GRID1: variants seen among roughly 807,000 people sequenced by gnomAD.
GRID1 encodes glutamate receptor ionotropic, delta-1.
In GRID1, 28 loss-of-function variants were observed where a neutral mutation model predicts 98.0. That is an observed-to-expected ratio of 0.29 (90% confidence interval 0.21 to 0.39). The LOEUF (loss-of-function observed/expected upper bound fraction) is 0.39, where lower values mean the gene tolerates loss of function less well. Among genes scored for constraint, GRID1 ranks in the 10% least tolerant of loss-of-function variants. The pLI is 1.00. For synonymous variants in GRID1, 553 were observed against 538.5 expected (o/e 1.03, Z -0.37); for missense variants, 1,111 against 1,340.5 (o/e 0.83, Z 2.67).
chr10:86,022,644 G>A (rs980103787), intron 4 of GRID1, among the ~76,000 whole-genome samples: 1 of 152,062 alleles, frequency 6.6e-6, no homozygotes, highest in Non-Finnish European at 1.5e-5. Context: ...TTGGCCAGGT[G>A]CAGTGGCTCA....
At chr10:85,844,517 A>G (rs1010691056) in intron 8 of GRID1, among the ~76,000 whole-genome samples, 1 of 151,878 alleles carries the variant, frequency 6.6e-6, no homozygotes, top group African/African-American at 2.4e-5. Context: ...GCTTGTATCA[A>G]TGTCAGTATC....
chr10:85,999,145 G>A lies in GRID1; in HGVS notation c.727-82906C>T, dbSNP rs573828137. Among the ~76,000 whole-genome samples the A allele has an allele frequency of 5.9e-3, 886 of 151,032 alleles. 6 individuals are homozygous for A. Among genetic ancestry groups the A allele is most frequent in the Non-Finnish European group, 7.3e-3 (496 of 67,922 alleles). On this transcript the variant is annotated intron_variant, in intron 4 of 15. Transcript: ENST00000327946. Reference sequence around the variant, plus strand: ...GAGAATCAGTTGAACTTGGGAGGCAGAGGTTGCAGTGAGCCAAGATTGTGC... The same window carrying A: ...GAGAATCAGTTGAACTTGGGAGGCAAAGGTTGCAGTGAGCCAAGATTGTGC...
chr10:85,665,813 GT>G (rs910263919), intron 12 of GRID1, among the ~76,000 whole-genome samples: 11 of 152,142 alleles, frequency 7.2e-5, no homozygotes, highest in African/African-American at 2.7e-4. Context: ...ATTAATTAAA[GT>G]GACACCAAGG....
At chr10:86,207,315 A>C (rs1266803769) in intron 2 of GRID1, among the ~76,000 whole-genome samples, 2 of 152,230 alleles carry the variant, frequency 1.3e-5, no homozygotes, top group Admixed American at 6.5e-5. Context: ...GGATTATTCA[A>C]AAGCCACTTG....
intron 4 of GRID1, among the ~76,000 whole-genome samples, chr10:85,928,202 T>C (rs979713095): frequency 6.6e-6 from 1 of 152,200 alleles, no homozygotes; most frequent in Non-Finnish European, 1.5e-5. Context: ...GGCTCACACC[T>C]GTGATCCAGC....
chr10:86,216,396 C>T (rs766662454), intron 2 of GRID1, among the ~76,000 whole-genome samples: 4 of 152,130 alleles, frequency 2.6e-5, no homozygotes, highest in East Asian at 1.9e-4. Context: ...TCAAGGTAAA[C>T]GAGTAAGTCA....
intron 4 of GRID1, among the ~76,000 whole-genome samples, chr10:85,988,530 C>G (rs768378875): frequency 6.6e-6 from 1 of 152,170 alleles, no homozygotes; most frequent in Admixed American, 6.5e-5. Context: ...CCTTCCTAGA[C>G]CCCTGGGCCT....
chr10:85,928,223 A>G (rs1271148361), intron 4 of GRID1, among the ~76,000 whole-genome samples: 1 of 152,136 alleles, frequency 6.6e-6, no homozygotes, highest in Non-Finnish European at 1.5e-5. Flanking sequence ...TGCTCTGGAG[A>G]AAGAGGCGGA....
chr10:85,701,138 G>T (rs1195257906), intron 12 of GRID1, among the ~76,000 whole-genome samples: 1 of 152,088 alleles, frequency 6.6e-6, no homozygotes, highest in African/African-American at 2.4e-5. Context: ...TTCTAGGGGA[G>T]AAGGAAAAAA....
chr10:85,772,365 A>C (rs2132713183), intron 8 of GRID1, among the ~76,000 whole-genome samples: 1 of 151,820 alleles, frequency 6.6e-6, no homozygotes, highest in African/African-American at 2.4e-5. Flanking sequence ...CCACAAGAGA[A>C]AGCAGGAAAG....
intron 1 of GRID1, among the ~76,000 whole-genome samples, chr10:86,364,664 G>C (rs917257069): frequency 2.0e-5 from 3 of 152,372 alleles, no homozygotes; most frequent in Admixed American, 6.5e-5. Context: ...CCTGCAGCTT[G>C]GATGACTGTG....
chr10:85,805,488 C>T (rs1201020307), intron 8 of GRID1, among the ~76,000 whole-genome samples: 1 of 151,714 alleles, frequency 6.6e-6, no homozygotes, highest in African/African-American at 2.4e-5. Context: ...GACAATTTGA[C>T]TCTAAGAAAT....
chr10:86,262,464 C>T (rs1009693593), intron 2 of GRID1, among the ~76,000 whole-genome samples: 12 of 152,178 alleles, frequency 7.9e-5, no homozygotes, highest in African/African-American at 2.7e-4. Context: ...TAGGCCCAGC[C>T]GGACAGCAGC....
At chr10:86,175,350 A>T (rs74656911) in intron 3 of GRID1, among the ~76,000 whole-genome samples, 3,033 of 152,048 alleles carry the variant, frequency 0.02, 108 homozygotes, top group African/African-American at 0.069. Flanking sequence ...CAAAAAAAAA[A>T]AAAAAGACTC....
chr10:85,837,771 C>T (rs1842923601), intron 8 of GRID1, among the ~76,000 whole-genome samples: 1 of 152,144 alleles, frequency 6.6e-6, no homozygotes, highest in Admixed American at 6.5e-5. Context: ...CAAATGACCG[C>T]ATCATCTCTC....
At chr10:85,987,577 A>C (rs1050452869) in intron 4 of GRID1, among the ~76,000 whole-genome samples, 1 of 116,646 alleles carries the variant, frequency 8.6e-6, no homozygotes, top group Non-Finnish European at 1.8e-5. Flanking sequence ...CCCCAGCCTC[A>C]CCTCCCCTAC....
At chr10:85,672,364 G>A (rs1253744525) in intron 12 of GRID1, among the ~76,000 whole-genome samples, 1 of 152,210 alleles carries the variant, frequency 6.6e-6, no homozygotes, top group Non-Finnish European at 1.5e-5. Flanking sequence ...CCGGAGTGCA[G>A]TGGTGCAATC....
At chr10:86,093,236 C>T (rs1338151882) in intron 4 of GRID1, among the ~76,000 whole-genome samples, 2 of 152,020 alleles carry the variant, frequency 1.3e-5, no homozygotes, top group South Asian at 2.1e-4. Context: ...AAAGGCGGTG[C>T]TAAGAGGAAA....
intron 2 of GRID1, among the ~76,000 whole-genome samples, chr10:86,283,248 G>C (rs1371867558): frequency 1.3e-5 from 2 of 152,164 alleles, no homozygotes; most frequent in Non-Finnish European, 2.9e-5. Context: ...CTCTCCTCTG[G>C]AAAAGCCCAG....
Sources: gnomAD v4.1 joint callset for allele counts (sites outside exome capture counted in the v4.1 genomes callset) on GRCh38, gnomAD v4.1.1 for gene constraint, MANE v1.5 for transcripts, NCBI Gene and HGNC (gene_info 2026-07-23, HGNC 2026-07-21) for gene names.